DBR1: variants seen among roughly 807,000 people sequenced by gnomAD.
DBR1 encodes lariat debranching enzyme.
DBR1 carries 33 observed loss-of-function variants against 45.9 expected under a neutral mutation model. The ratio of observed to expected loss-of-function variants is 0.72; its 90% CI spans 0.55 to 0.96. The LOEUF is 0.96. Ranked by LOEUF, DBR1 falls within the 40% of genes least tolerant of loss-of-function variation. The pLI is 0.00. For synonymous variants in DBR1, 235 were observed against 235.9 expected, an observed-to-expected ratio of 1.00 and a Z score of 0.04; for missense variants, 619 against 667.4, an observed-to-expected ratio of 0.93 and a Z score of 0.80.
At chr3:138,172,360 A>G (rs997654674) in intron 2 of DBR1, among the ~76,000 whole-genome samples, 7 of 152,190 alleles carry the variant, frequency 4.6e-5, no homozygotes, top group African/African-American at 1.7e-4. Flanking sequence ...AGGTGGGCGG[A>G]TCACTTTGAG....
chr3:138,163,298 A>G lies in DBR1; in HGVS notation c.941+51T>C, dbSNP rs1435320195. Reference sequence around the variant, plus strand: ...AAACAAAACAAAGGTGGGAGATATAAAAATTATGCATGCAATGGAAAAAGC... The same window carrying G: ...AAACAAAACAAAGGTGGGAGATATAGAAATTATGCATGCAATGGAAAAAGC... On this transcript the variant is annotated intron_variant, in intron 7 of 7. Coordinates refer to ENST00000260803, the MANE Select transcript of DBR1 (RefSeq NM_016216.4). The G allele has an allele frequency of 3.8e-6, 6 of 1,588,090 alleles. 1 individual carries two copies. In the South Asian group the frequency reaches 6.8e-5, roughly 18 times the overall value.
chr3:138,173,720 A>G (rs898996218), intron 1 of DBR1, 94 bp from the exon 2 acceptor site: 1 of 1,400,260 alleles, frequency 7.1e-7, no homozygotes, highest in African/African-American at 1.5e-5. Flanking sequence ...TTCATCATAA[A>G]AAGTTAAAAA....
chr3:138,174,564 C>T (rs755679070), intron 1 of DBR1, 35 bp downstream of exon 1: 27 of 1,524,178 alleles, frequency 1.8e-5, no homozygotes, highest in Non-Finnish European at 2.3e-5. Flanking sequence ...GTCCCACCCC[C>T]CCACCGCCAA....
At chr3:138,169,923 ACT>A (rs1195309605) in intron 4 of DBR1, among the ~76,000 whole-genome samples, 182 bp downstream of exon 4, 3 of 151,226 alleles carry the variant, frequency 2.0e-5, no homozygotes, top group Non-Finnish European at 2.9e-5. Context: ...ACATAGTGAG[ACT>A]CTGTCTCAAA....
Position 138,161,408 on chromosome 3 carries a change from CATACAA to C in DBR1, c.*475_*480del, listed in dbSNP as rs2042906435. The stretch of plus-strand genomic sequence containing the variant: ...AACTTTAATATGTTTGCATCTGAAA[CATACAA>C]AAGCCTAAAGATAAAGTCAATATCT... On this transcript the variant is annotated 3_prime_UTR_variant, in exon 8 of 8. Transcript: ENST00000260803. The C allele has an allele frequency of 6.5e-6, 1 of 154,356 alleles. No homozygotes were observed. Among genetic ancestry groups the C allele is most frequent in the Admixed American group, 6.3e-5 (1 of 15,848 alleles). The allele number at this position is 154,356 out of a possible 1,614,324, so 9.6% of individuals were successfully genotyped here.
Position 138,162,309 on chromosome 3 carries a change from A to T in DBR1, c.1215T>A (p.Asn405Lys), listed in dbSNP as rs2042911709. 1.9e-6 allele frequency: 3 copies of T among 1,614,230 alleles called. No homozygotes were observed. In the African/African-American group the frequency reaches 4.0e-5, roughly 22 times the overall value. Residue 405 changes from asparagine to lysine, a missense_variant, in exon 8 of 8, where the codon AAT (asparagine) becomes AAA (lysine). Physicochemically the swap from Asn to Lys is moderately conservative, Grantham distance 94 (BLOSUM62 0). Around this residue, in one of 3 missense-constraint regions of DBR1, gnomAD observed 182 missense variants for 196.1 expected, o/e 0.93. Coordinates refer to ENST00000260803, the MANE Select transcript of DBR1 (RefSeq NM_016216.4). ...ATTCACTCTGGTCTTCTCCAGAGTC[A>T]TTACTCTCCACATCATCCTGTTCTT... ...EYEEQDDVES[N>K]DSGEDQSEYN...
At chr3:138,166,279 G>A (rs1430919973) in intron 5 of DBR1, among the ~76,000 whole-genome samples, 1 of 152,156 alleles carries the variant, frequency 6.6e-6, no homozygotes, top group African/African-American at 2.4e-5. Context: ...TTCCATAGAA[G>A]TTTCATTATA....
rs2042910511 is a variant in DBR1, at chr3:138,162,137, C to A, written c.1387G>T (p.Ala463Ser). The A allele has an allele frequency of 6.2e-7, 1 of 1,614,182 alleles. No individual in the cohort carries two copies. The highest frequency in any genetic ancestry group is 8.5e-7 in the Non-Finnish European group (1 of 1,180,046). ...AAGATCCTGACATCAGAGAAACTTGCAGAAAACTCAGAAGCTTGATCAGAA... is the reference window on the plus strand; with the variant it reads ...AAGATCCTGACATCAGAGAAACTTGAAGAAAACTCAGAAGCTTGATCAGAA... ...EPSDQASEFS[A>S]SFSDVRILPG... Residue 463 changes from alanine (A) to serine (S), a missense_variant, in exon 8 of 8, where the codon GCA (alanine) becomes TCA (serine). By Grantham distance (99) the Ala-to-Ser change is moderately conservative (BLOSUM62 1). Around this residue, in one of 3 missense-constraint regions of DBR1, gnomAD observed 182 missense variants for 196.1 expected, o/e 0.93. Coordinates refer to ENST00000260803, the MANE Select transcript of DBR1 (RefSeq NM_016216.4).
chr3:138,172,790 C>T (rs1162453842), intron 2 of DBR1, among the ~76,000 whole-genome samples: 1 of 152,088 alleles, frequency 6.6e-6, no homozygotes, highest in Non-Finnish European at 1.5e-5. Flanking sequence ...CATGAAAAAG[C>T]GAGACAGGGA....
rs377037538 is a variant in DBR1, at chr3:138,167,218, T to C, written c.577A>G (p.Lys193Glu). ...YGNKKQLLKT[K>E]SFFRQEVENN... is the part of the protein sequence containing the mutation. ...TCCACTTCTTGTCGGAAAAAAGATT[T>C]AGTCTTAAGAAGTTGCTTCTTATTT... Residue 193 changes from lysine to glutamate, a missense_variant, in exon 5 of 8, where the codon AAA (lysine) becomes GAA (glutamate). Lys to Glu is a moderately conservative substitution (Grantham distance 56). This residue lies in a region of DBR1 where 430 missense variants were observed against 447.7 expected (regional missense o/e 0.96). Transcript: ENST00000260803. The C allele has an allele frequency of 1.9e-6, 3 of 1,613,976 alleles. No individual in the cohort carries two copies. Among genetic ancestry groups the C allele is most frequent in the Non-Finnish European group, 2.5e-6 (3 of 1,179,976 alleles).
At position 138,162,267 on chromosome 3, in the gene DBR1, A is replaced by G; in HGVS notation, c.1257T>C (p.Ser419=). 6.2e-7 allele frequency: 1 copy of G among 1,613,912 alleles called. No homozygotes were observed. Among genetic ancestry groups the G allele is most frequent in the African/African-American group, 1.3e-5 (1 of 75,056 alleles). The change falls in exon 8 of 8, where the codon TCT becomes TCC. Residue 419 remains serine (S), a synonymous_variant. Coordinates refer to ENST00000260803, the MANE Select transcript of DBR1 (RefSeq NM_016216.4). ...EDQSEYNTDT[S]ALSSINPDEI... is the part of the protein sequence containing the mutation. Reference sequence around the variant, plus strand: ...CATCTGGATTAATAGAAGACAGAGCAGATGTGTCTGTATTATATTCACTCT... The same window carrying G: ...CATCTGGATTAATAGAAGACAGAGCGGATGTGTCTGTATTATATTCACTCT...
intron 4 of DBR1, among the ~76,000 whole-genome samples, chr3:138,167,684 G>A (rs1324787633): frequency 3.3e-5 from 5 of 152,190 alleles, no homozygotes; most frequent in Admixed American, 6.5e-5. Context: ...GGTGGCTCAC[G>A]CCTATAATCC....
At chr3:138,173,283 C>T (rs758876905) in intron 2 of DBR1, among the ~76,000 whole-genome samples, 42 of 151,828 alleles carry the variant, frequency 2.8e-4, no homozygotes, top group Admixed American at 1.9e-3. Flanking sequence ...GAGGTCTTTG[C>T]AATTATATTA....
intron 1 of DBR1, 97 bp from the exon 2 acceptor site, chr3:138,173,723 G>A: frequency 7.2e-6 from 10 of 1,390,446 alleles, no homozygotes; most frequent in Non-Finnish European, 9.7e-6. Flanking sequence ...ATCATAAAAA[G>A]TTAAAAAGCT....
intron 6 of DBR1, 54 bp from the exon 7 acceptor site, chr3:138,163,548 C>A (rs2042917502): frequency 3.0e-6 from 3 of 992,342 alleles, no homozygotes; most frequent in Admixed American, 2.8e-5. Flanking sequence ...ACAGTCTAAT[C>A]ACTTTAATAT....
rs373690846 is a variant in DBR1, at chr3:138,167,162, T to C, written c.633A>G (p.Ser211=). 6.2e-7 allele frequency: 1 copy of C among 1,614,196 alleles called. No individual in the cohort carries two copies. Among genetic ancestry groups the C allele is most frequent in the Non-Finnish European group, 8.5e-7 (1 of 1,180,024 alleles). Residue 211 remains serine, a synonymous_variant, in exon 5 of 8, where the codon TCA becomes TCG. Coordinates refer to ENST00000260803, the MANE Select transcript of DBR1 (RefSeq NM_016216.4). ...TAGGTTTGAGATGCTCTAAAAGCTC[T>C]GAGGCAGCTGGACTTCCTAATGTGT... The part of the protein sequence containing the change: ...ENNTLGSPAA[S]ELLEHLKPTY...
At chr3:138,172,018 G>T (rs1284114630) in intron 2 of DBR1, among the ~76,000 whole-genome samples, 1 of 152,184 alleles carries the variant, frequency 6.6e-6, no homozygotes, top group Non-Finnish European at 1.5e-5. Flanking sequence ...TGAATACACG[G>T]GTGAGGTAGT....
chr3:138,166,489 G>A (rs1200843927), intron 5 of DBR1, among the ~76,000 whole-genome samples: 3 of 152,044 alleles, frequency 2.0e-5, no homozygotes, highest in African/African-American at 7.2e-5. Flanking sequence ...TACATAAATA[G>A]CCTGCTCTGC....
rs1343777404 is a variant in DBR1, at chr3:138,162,545, C to G, written c.979G>C (p.Val327Leu). Residue 327 changes from valine (V) to leucine (L), a missense_variant, in exon 8 of 8, where the codon GTA becomes CTA. Val to Leu is a conservative substitution (Grantham distance 32). This residue lies in a region of DBR1 where 430 missense variants were observed against 447.7 expected (regional missense o/e 0.96). Transcript: ENST00000260803. The stretch of plus-strand genomic sequence containing the variant: ...AGATCATGATTCAATTTTTCCAATA[C>G]TTCTTTCATACCTTCTTCTGTTGCA... Reference protein sequence around the residue: ...YSATEEGMKEVLEKLNHDLKV... With the variant: ...YSATEEGMKELLEKLNHDLKV... 6.2e-7 allele frequency: 1 copy of G among 1,612,864 alleles called. No homozygotes were observed. Among genetic ancestry groups the G allele is most frequent in the Admixed American group, 1.7e-5 (1 of 60,020 alleles).
Sources: gnomAD v4.1 joint callset for allele counts (sites outside exome capture counted in the v4.1 genomes callset) on GRCh38, gnomAD v4.1.1 for gene constraint, gnomAD v4.1.1 regional missense constraint, MANE v1.5 for transcripts, NCBI Gene and HGNC (gene_info 2026-07-23, HGNC 2026-07-21) for gene names.